The following SUCLG2 variants were observed in gnomAD, a reference collection of about 807,000 sequenced individuals.
SUCLG2 encodes succinate--CoA ligase [GDP-forming] subunit beta, mitochondrial.
SUCLG2 carries 42 observed loss-of-function variants against 47.9 expected under a neutral mutation model. That is an observed-to-expected ratio of 0.88 (90% CI 0.69 to 1.14). The LOEUF is 1.14. Among genes scored for constraint, SUCLG2 ranks in the 50% most tolerant of loss-of-function variants. The probability of loss-of-function intolerance (pLI) is 0.00; values close to 1 mark genes in which losing one functional copy is unlikely to be tolerated. For synonymous variants in SUCLG2, 195 were observed against 197.3 expected (o/e 0.99, Z 0.10); for missense variants, 571 against 525.9 (o/e 1.09, Z -0.84).
intron 9 of SUCLG2, among the ~76,000 whole-genome samples, chr3:67,424,559 G>C (rs1447685754): frequency 6.6e-6 from 1 of 152,172 alleles, no homozygotes; most frequent in African/African-American, 2.4e-5. Context: ...ACCCATACTA[G>C]CTCTGTGTCC....
chr3:67,489,267 T>C (rs967529514), intron 9 of SUCLG2, among the ~76,000 whole-genome samples: 1 of 152,120 alleles, frequency 6.6e-6, no homozygotes, highest in Non-Finnish European at 1.5e-5. Flanking sequence ...GGAAAAGATA[T>C]GCAAAAATCA....
intron 1 of SUCLG2, among the ~76,000 whole-genome samples, chr3:67,632,726 T>C (rs1011984924): frequency 2.6e-5 from 4 of 152,146 alleles, no homozygotes; most frequent in African/African-American, 7.2e-5. Flanking sequence ...TGATCTCCAA[T>C]TGCAGATGGA....
At chr3:67,368,303 A>G (rs1262883490) in intron 10 of SUCLG2, among the ~76,000 whole-genome samples, 1 of 152,228 alleles carries the variant, frequency 6.6e-6, no homozygotes, top group Non-Finnish European at 1.5e-5. Flanking sequence ...CTTTGTCTTT[A>G]AAGTATCAAC....
At chr3:67,490,848 T>C (rs1426584172) in intron 9 of SUCLG2, among the ~76,000 whole-genome samples, 3 of 152,204 alleles carry the variant, frequency 2.0e-5, no homozygotes, top group Non-Finnish European at 4.4e-5. Flanking sequence ...TCAACCTCAT[T>C]AGTCATGACA....
chr3:67,456,990 T>G (rs532246104), intron 9 of SUCLG2, among the ~76,000 whole-genome samples: 20 of 152,350 alleles, frequency 1.3e-4, no homozygotes, highest in African/African-American at 3.8e-4. Flanking sequence ...GCATAATTTT[T>G]GTAATTAGAC....
rs1019137479 is a variant in SUCLG2 at position 67,518,331 on chromosome 3, T to G, written c.576A>C (p.Gln192His). The change falls in exon 6 of 11, where the codon CAA (glutamine) becomes CAC (histidine). Residue 192 changes from glutamine to histidine, a missense_variant. Physicochemically the swap from Gln to His is conservative, Grantham distance 24 (BLOSUM62 0). Coordinates refer to ENST00000307227, the MANE Select transcript of SUCLG2 (RefSeq NM_003848.4). ...CCTTTATTCCTTCAAAAATGTCAAT[T>G]TGCTCCTAGTAAAAATAAATCAAAT... Reference protein sequence around the residue: ...ASNPELIFKEQIDIFEGIKDS... With the variant: ...ASNPELIFKEHIDIFEGIKDS... 6.2e-7 allele frequency: 1 copy of G among 1,607,922 alleles called. No homozygotes were observed. The highest frequency in any genetic ancestry group is 8.5e-7 in the Non-Finnish European group (1 of 1,176,296).
At chr3:67,595,320 G>C (rs939833800) in intron 2 of SUCLG2, among the ~76,000 whole-genome samples, 1 of 152,158 alleles carries the variant, frequency 6.6e-6, no homozygotes, top group African/African-American at 2.4e-5. Flanking sequence ...TCCTTGTTCA[G>C]CTAAAGGGGG....
chr3:67,609,913 G>C (rs375522918), intron 1 of SUCLG2, among the ~76,000 whole-genome samples: 4 of 152,076 alleles, frequency 2.6e-5, no homozygotes, highest in Non-Finnish European at 5.9e-5. Flanking sequence ...AACTACATGA[G>C]GTGTCAGCAT....
At chr3:67,495,003 T>C (rs1363821319) in intron 9 of SUCLG2, among the ~76,000 whole-genome samples, 4 of 152,212 alleles carry the variant, frequency 2.6e-5, no homozygotes, top group African/African-American at 4.8e-5. Flanking sequence ...TTAGTACATA[T>C]GTTACAAACT....
intron 2 of SUCLG2, among the ~76,000 whole-genome samples, chr3:67,601,563 C>T (rs1275451739): frequency 6.6e-6 from 1 of 152,172 alleles, no homozygotes; most frequent in East Asian, 1.9e-4. Context: ...AACTGCCAAA[C>T]TTTACAATGG....
intron 2 of SUCLG2, among the ~76,000 whole-genome samples, chr3:67,559,264 T>C (rs988099019): frequency 4.6e-5 from 7 of 152,296 alleles, no homozygotes; most frequent in African/African-American, 9.6e-5. Flanking sequence ...GAAAACTACC[T>C]GTATTAGTCT....
At chr3:67,526,800 A>T (rs1706268719) in intron 4 of SUCLG2, among the ~76,000 whole-genome samples, 1 of 152,248 alleles carries the variant, frequency 6.6e-6, no homozygotes, top group South Asian at 2.1e-4. Context: ...TCTTAAAAAA[A>T]CTAATTATAC....
intron 9 of SUCLG2, among the ~76,000 whole-genome samples, chr3:67,478,742 T>A (rs11705861): frequency 0.55 from 82,876 of 152,054 alleles, 23,848 homozygotes; most frequent in Middle Eastern, 0.65. Context: ...AGGTTGCAAC[T>A]GCTATTCCAT....
intron 10 of SUCLG2, among the ~76,000 whole-genome samples, chr3:67,361,870 G>A (rs1444403262): frequency 1.3e-5 from 2 of 152,134 alleles, no homozygotes; most frequent in Non-Finnish European, 2.9e-5. Flanking sequence ...TTTTGCTCTT[G>A]CTCCTCTGGG....
chr3:67,431,543 G>A (rs1703480089), intron 9 of SUCLG2, among the ~76,000 whole-genome samples: 4 of 152,094 alleles, frequency 2.6e-5, no homozygotes, highest in Admixed American at 2.6e-4. Context: ...ATACACCATG[G>A]AATACTATGC....
In SUCLG2 at chr3:67,520,275, G is replaced by A. The variant is rs147212413; in HGVS notation, c.570+207C>T. Among the ~76,000 whole-genome samples the A allele has an allele frequency of 7.2e-3, 1,102 of 152,284 alleles. 24 individuals are homozygous for A. The highest frequency in any genetic ancestry group is 0.025 in the African/African-American group (1,045 of 41,568). On this transcript the variant is annotated intron_variant, in intron 5 of 10. Coordinates refer to ENST00000307227, the MANE Select transcript of SUCLG2 (RefSeq NM_003848.4). ...AAGTAAAGAAGGAAGGGTGGGAAAA[G>A]CAAAGATAAAAAGTCCTTGAACACT...
rs193226072 is a variant in SUCLG2 at position 67,638,351 on chromosome 3, G to A, written c.84+16152C>T. On this transcript the variant is annotated intron_variant, in intron 1 of 10. Coordinates refer to ENST00000307227, the MANE Select transcript of SUCLG2 (RefSeq NM_003848.4). ...TCTCCACTGCAAAGGCCCAAAACCTGCCCCCTGCATTGTTTCCAAGCTGAT... is the reference window on the plus strand; with the variant it reads ...TCTCCACTGCAAAGGCCCAAAACCTACCCCCTGCATTGTTTCCAAGCTGAT... Among the ~76,000 whole-genome samples, 50 of 152,270 alleles carry A rather than the reference G, an allele frequency of 3.3e-4. No individual in the cohort carries two copies. In the East Asian group the frequency reaches 7.3e-3, roughly 22 times the overall value.
chr3:67,436,624 TATC>T (rs1703630887), intron 9 of SUCLG2, among the ~76,000 whole-genome samples: 1 of 152,198 alleles, frequency 6.6e-6, no homozygotes, highest in Non-Finnish European at 1.5e-5. Flanking sequence ...GTTGTCACTA[TATC>T]ATCATCAATA....
chr3:67,623,426 G>A (rs889547625), intron 1 of SUCLG2, among the ~76,000 whole-genome samples: 26 of 152,276 alleles, frequency 1.7e-4, no homozygotes, highest in African/African-American at 6.0e-4. Flanking sequence ...GCGCGAACCC[G>A]AGAGGCGGTG....
Sources: allele counts gnomAD v4.1 joint callset (sites outside exome capture counted in the v4.1 genomes callset), GRCh38; gene constraint gnomAD v4.1.1; transcripts MANE v1.5; gene names NCBI Gene and HGNC (gene_info 2026-07-23, HGNC 2026-07-21).